Variants in TENM4 observed in about 807,000 individuals in gnomAD.
TENM4 encodes teneurin-4.
In TENM4, 82 loss-of-function variants were observed where a neutral mutation model predicts 243.3. The observed-to-expected ratio is 0.34, with a 90% CI of 0.28 to 0.40. TENM4 has a LOEUF of 0.40. Ranked by LOEUF, TENM4 falls within the 10% of genes least tolerant of loss-of-function variation. The pLI is 1.00. For missense variants in TENM4, 3,138 were observed against 3,673.3 expected (o/e 0.85, Z 3.77); for synonymous variants, 1,412 against 1,456.3 (o/e 0.97, Z 0.69).
chr11:78,903,161 C>T (rs1013497055), intron 7 of TENM4, 107 bp downstream of exon 7: 8 of 1,382,178 alleles, frequency 5.8e-6, no homozygotes, highest in Admixed American at 7.0e-5. Flanking sequence ...CCAGCTCCTC[C>T]GGCCGGCGTT....
Position 79,143,072 on chromosome 11 carries a change from T to C in TENM4, c.-66+5638A>G, listed in dbSNP as rs201853342. Among the ~76,000 whole-genome samples, 16 of 152,264 alleles carry C rather than the reference T, an allele frequency of 1.1e-4. No homozygotes were observed. In the East Asian group the frequency reaches 2.9e-3, roughly 28 times the overall value. On this transcript the variant is annotated intron_variant, in intron 4 of 33. Transcript: ENST00000278550. ...GAGAAATAGGAACACTTTTACGCTG[T>C]TGGTGGGAGTGTAAACTAGTTCAAC... is the stretch of plus-strand genomic sequence containing the variant.
chr11:79,310,746 C>T (rs1261608493), intron 1 of TENM4, among the ~76,000 whole-genome samples: 2 of 152,166 alleles, frequency 1.3e-5, no homozygotes, highest in African/African-American at 4.8e-5. Flanking sequence ...CCCCTTCACT[C>T]TGAGTCCTGT....
chr11:79,417,194 G>A (rs1286246816), intron 1 of TENM4, among the ~76,000 whole-genome samples: 1 of 152,214 alleles, frequency 6.6e-6, no homozygotes, highest in Non-Finnish European at 1.5e-5. Context: ...TGTTTCATGC[G>A]TTGACTCTTA....
chr11:78,752,337 A>G (rs1010859641), intron 19 of TENM4, among the ~76,000 whole-genome samples: 3 of 151,798 alleles, frequency 2.0e-5, no homozygotes, highest in Non-Finnish European at 4.4e-5. Context: ...TTGCTTTCAC[A>G]CCCAAGGTAG....
chr11:78,836,166 T>C (rs999587997), intron 12 of TENM4, among the ~76,000 whole-genome samples: 8 of 151,896 alleles, frequency 5.3e-5, no homozygotes, highest in Non-Finnish European at 8.8e-5. Flanking sequence ...GAGAACAGCC[T>C]CACCAACATG....
intron 6 of TENM4, among the ~76,000 whole-genome samples, chr11:79,006,804 T>A (rs199551406): frequency 1.3e-5 from 2 of 152,340 alleles, no homozygotes; most frequent in East Asian, 3.9e-4. Context: ...GTTCTTGTGA[T>A]GGTTAATTTT....
intron 1 of TENM4, among the ~76,000 whole-genome samples, chr11:79,352,812 G>C (rs1488496940): frequency 6.6e-6 from 1 of 152,182 alleles, no homozygotes; most frequent in Non-Finnish European, 1.5e-5. Flanking sequence ...GACACAAAAA[G>C]AGACGCAACA....
At chr11:79,200,093 G>T (rs1016078463) in intron 3 of TENM4, among the ~76,000 whole-genome samples, 4 of 152,168 alleles carry the variant, frequency 2.6e-5, no homozygotes, top group African/African-American at 9.7e-5. Context: ...CACTCTTCTC[G>T]CCTTCTCTCC....
At chr11:78,883,904 C>T (rs1454044833) in intron 9 of TENM4, among the ~76,000 whole-genome samples, 1 of 152,232 alleles carries the variant, frequency 6.6e-6, no homozygotes, top group African/African-American at 2.4e-5. Context: ...TGTCAGCTGC[C>T]CTTGTGACTA....
intron 6 of TENM4, among the ~76,000 whole-genome samples, chr11:79,047,648 TCTC>T (rs1405033959): frequency 3.7e-4 from 56 of 152,068 alleles, no homozygotes; most frequent in Admixed American, 3.7e-3. Context: ...CGGCAGCACT[TCTC>T]CTTCAGTGCC....
chr11:78,977,745 C>T (rs531619555), intron 6 of TENM4, among the ~76,000 whole-genome samples: 1 of 152,338 alleles, frequency 6.6e-6, no homozygotes, highest in Admixed American at 6.5e-5. Context: ...AAGGCTTTTA[C>T]ACTGTTGGTG....
intron 1 of TENM4, among the ~76,000 whole-genome samples, chr11:79,386,621 C>A (rs1399269919): frequency 6.6e-6 from 1 of 152,104 alleles, no homozygotes; most frequent in Admixed American, 6.5e-5. Flanking sequence ...AGAAGACATC[C>A]AAATGGCCAG....
chr11:78,728,637 T>C (rs540860543), intron 22 of TENM4, among the ~76,000 whole-genome samples: 1 of 152,256 alleles, frequency 6.6e-6, no homozygotes, highest in South Asian at 2.1e-4. Context: ...GCTGAATCTC[T>C]ACCTTTGCTG....
chr11:79,414,791 C>T (rs1272355536), intron 1 of TENM4, among the ~76,000 whole-genome samples: 1 of 152,256 alleles, frequency 6.6e-6, no homozygotes, highest in African/African-American at 2.4e-5. Flanking sequence ...CCCAACCAAG[C>T]AGCCCTGCCT....
chr11:78,973,724 A>G (rs767597409), intron 6 of TENM4, among the ~76,000 whole-genome samples: 18 of 151,870 alleles, frequency 1.2e-4, no homozygotes, highest in Admixed American at 4.6e-4. Context: ...TATGATAAAT[A>G]TTAGGCTGGT....
chr11:79,177,911 T>C (rs1247832171), intron 3 of TENM4, among the ~76,000 whole-genome samples: 1 of 151,982 alleles, frequency 6.6e-6, no homozygotes, highest in Non-Finnish European at 1.5e-5. Context: ...TCCTCTGAGA[T>C]GGGGAACCTT....
At chr11:79,010,069 T>A (rs533747645) in intron 6 of TENM4, among the ~76,000 whole-genome samples, 39 of 152,156 alleles carry the variant, frequency 2.6e-4, no homozygotes, top group Non-Finnish European at 5.6e-4. Context: ...TCCATGATTG[T>A]GAGGACTCCC....
intron 12 of TENM4, among the ~76,000 whole-genome samples, chr11:78,829,102 C>A (rs1857920757): frequency 6.6e-6 from 1 of 152,236 alleles, no homozygotes; most frequent in Non-Finnish European, 1.5e-5. Context: ...TGCAGCCCCT[C>A]TGTCTGGCCA....
At chr11:79,247,103 A>G (rs1855531527) in intron 2 of TENM4, among the ~76,000 whole-genome samples, 1 of 151,838 alleles carries the variant, frequency 6.6e-6, no homozygotes, top group Non-Finnish European at 1.5e-5. Context: ...AGAACAGGAC[A>G]GATGGAATTC....
Sources: allele counts gnomAD v4.1 joint callset (sites outside exome capture counted in the v4.1 genomes callset), GRCh38; gene constraint gnomAD v4.1.1; transcripts MANE v1.5; gene names NCBI Gene and HGNC (gene_info 2026-07-23, HGNC 2026-07-21).